NCKAP1L: variants seen among roughly 807,000 people sequenced by gnomAD.
The protein encoded by NCKAP1L is nck-associated protein 1-like.
NCKAP1L carries 53 observed loss-of-function variants against 139.2 expected under a neutral mutation model. That is an observed-to-expected ratio of 0.38 (90% CI 0.31 to 0.48). The LOEUF is 0.48. NCKAP1L is among the 20% of genes least tolerant of loss of function. The probability of loss-of-function intolerance (pLI) is 0.98; values close to 1 mark genes in which losing one functional copy is unlikely to be tolerated. For missense variants in NCKAP1L, 1,151 were observed against 1,381.9 expected, an observed-to-expected ratio of 0.83 and a Z score of 2.65; for synonymous variants, 468 against 499.7, an observed-to-expected ratio of 0.94 and a Z score of 0.85.
At chr12:54,529,266 T>C (rs1029403094) in intron 22 of NCKAP1L, among the ~76,000 whole-genome samples, 13 of 152,230 alleles carry the variant, frequency 8.5e-5, no homozygotes, top group African/African-American at 3.1e-4. Context: ...TGCCTTCCAG[T>C]GTCTAGAAGT....
chr12:54,511,307 C>T (rs947435745), intron 7 of NCKAP1L, among the ~76,000 whole-genome samples: 4 of 152,196 alleles, frequency 2.6e-5, no homozygotes, highest in Non-Finnish European at 5.9e-5. Flanking sequence ...TTGTTTTTCC[C>T]TTACTCCACT....
At chr12:54,521,317 C>T in intron 18 of NCKAP1L, 79 bp downstream of exon 18, 1 of 1,570,830 alleles carries the variant, frequency 6.4e-7, no homozygotes, top group Non-Finnish European at 8.7e-7. Context: ...TTGTTTCCCT[C>T]TCAGATGCCA....
Position 54,531,819 on chromosome 12 carries a change from T to C in NCKAP1L, c.2775T>C (p.Leu925=). ...TCAGGGCCATGGCCCAAGAGGGACT[T>C]CGGGAGGTGAGTTGGTGGGGAGGGG... ...LSFRAMAQEG[L]REVFSSHCPF... The change falls in exon 25 of 31, where the codon CTT becomes CTC. Residue 925 remains leucine (L), a synonymous_variant. Transcript: ENST00000293373. 1.9e-6 allele frequency: 3 copies of C among 1,610,504 alleles called. No individual in the cohort carries two copies. In the South Asian group the frequency reaches 3.3e-5, roughly 18 times the overall value.
chr12:54,518,372 T>C (rs1237785822), intron 13 of NCKAP1L, among the ~76,000 whole-genome samples: 1 of 151,918 alleles, frequency 6.6e-6, no homozygotes, highest in African/African-American at 2.4e-5. Flanking sequence ...TGCCCCTTCA[T>C]ATTTGTTAAA....
chr12:54,537,334 A>T (rs186032706), intron 29 of NCKAP1L, among the ~76,000 whole-genome samples: 5 of 152,280 alleles, frequency 3.3e-5, no homozygotes, highest in African/African-American at 1.2e-4. Flanking sequence ...TAGTTGTGTG[A>T]CCTCTGAAGT....
chr12:54,542,232 C>T (rs528402803), intron 30 of NCKAP1L, among the ~76,000 whole-genome samples: 171 of 152,258 alleles, frequency 1.1e-3, no homozygotes, highest in African/African-American at 3.8e-3. Flanking sequence ...TTTTATACAT[C>T]TTTACCTGCA....
intron 30 of NCKAP1L, among the ~76,000 whole-genome samples, chr12:54,539,525 T>C (rs150975565): frequency 0.012 from 1,797 of 152,310 alleles, 24 homozygotes; most frequent in Middle Eastern, 0.034. Context: ...TGGGCTTCTC[T>C]CTACTCTGGC....
At chr12:54,541,328 C>G (rs543722668) in intron 30 of NCKAP1L, among the ~76,000 whole-genome samples, 34 of 152,214 alleles carry the variant, frequency 2.2e-4, no homozygotes, top group Non-Finnish European at 3.8e-4. Flanking sequence ...TGTTTCCACT[C>G]CCGTAAACTT....
At chr12:54,528,617 T>G (rs1957044691) in intron 22 of NCKAP1L, among the ~76,000 whole-genome samples, 2 of 151,730 alleles carry the variant, frequency 1.3e-5, no homozygotes. Flanking sequence ...TGGCATCTTC[T>G]TCTTCTTCTT....
intron 9 of NCKAP1L, among the ~76,000 whole-genome samples, chr12:54,513,476 G>C (rs1229776294): frequency 2.0e-5 from 3 of 152,126 alleles, no homozygotes; most frequent in Admixed American, 1.3e-4. Flanking sequence ...TGTGGAGTGA[G>C]AACAGAATGG....
chr12:54,518,668 AGAG>A lies in NCKAP1L; in HGVS notation c.1363_1365del (p.Glu455del). On this transcript the variant is annotated inframe_deletion, in exon 14 of 31. Coordinates refer to ENST00000293373, the MANE Select transcript of NCKAP1L (RefSeq NM_005337.5). ...TTTTTTAGAACTTGTCTGTGTGTCC[AGAG>A]GAGGAGTCCATCATCATGTCCTCAT... The A allele has an allele frequency of 6.2e-7, 1 of 1,614,122 alleles. No homozygotes were observed. Among genetic ancestry groups the A allele is most frequent in the Admixed American group, 1.7e-5 (1 of 60,032 alleles).
At chr12:54,522,197 T>A (rs1327677189) in intron 18 of NCKAP1L, among the ~76,000 whole-genome samples, 1 of 152,172 alleles carries the variant, frequency 6.6e-6, no homozygotes, top group African/African-American at 2.4e-5. Flanking sequence ...TATAAATACA[T>A]GTTTGAAAGA....
intron 9 of NCKAP1L, among the ~76,000 whole-genome samples, chr12:54,513,530 A>G (rs1956905439): frequency 6.6e-6 from 1 of 152,214 alleles, no homozygotes; most frequent in Non-Finnish European, 1.5e-5. Flanking sequence ...CAGAGAAATC[A>G]GTGGGAGATA....
In NCKAP1L at chr12:54,518,941, C is replaced by T; in HGVS notation, c.1448C>T (p.Ser483Leu). The change falls in exon 15 of 31, where the codon TCA becomes TTA. Residue 483 changes from serine (S) to leucine (L), a missense_variant. Coordinates refer to ENST00000293373, the MANE Select transcript of NCKAP1L (RefSeq NM_005337.5). ...GATAATGGAGAAAAATTTGAATTCT[C>T]AGGATTGAGGCTGGACTGGTTCCGC... ...QVDNGEKFEF[S>L]GLRLDWFRLQ... The T allele has an allele frequency of 6.2e-7, 1 of 1,614,040 alleles. No individual in the cohort carries two copies. The highest frequency in any genetic ancestry group is 8.5e-7 in the Non-Finnish European group (1 of 1,179,938).
rs1450450143 is a variant in NCKAP1L at position 54,517,050 on chromosome 12, T to C, written c.1095+58T>C. 2.7e-6 allele frequency: 4 copies of C among 1,477,098 alleles called. No individual in the cohort carries two copies. In the African/African-American group the frequency reaches 5.5e-5, roughly 20 times the overall value. The allele number at this position is 1,477,098 out of a possible 1,614,324, so 91.5% of individuals were successfully genotyped here. On this transcript the variant is annotated intron_variant, in intron 11 of 30. Coordinates refer to ENST00000293373, the MANE Select transcript of NCKAP1L (RefSeq NM_005337.5). The stretch of plus-strand genomic sequence containing the variant: ...GGCCAGTGATAAGAGACTGTGTAGC[T>C]ACGTGGCACTCACGAGATTTTGCCT...
intron 3 of NCKAP1L, among the ~76,000 whole-genome samples, chr12:54,504,251 G>A (rs1382967492): frequency 6.6e-6 from 1 of 152,162 alleles, no homozygotes; most frequent in East Asian, 1.9e-4. Context: ...GCTTGTGGTG[G>A]TGTTATAGTA....
chr12:54,516,155 T>A lies in NCKAP1L; in HGVS notation c.942-84T>A. The A allele has an allele frequency of 8.4e-6, 12 of 1,425,640 alleles. 1 individual carries two copies. In the South Asian group the frequency reaches 1.4e-4, roughly 16 times the overall value. 88.3% of individuals were successfully genotyped at this position (1,425,640 alleles called of 1,614,324 possible). A position where few individuals can be genotyped will look rare whatever the true frequency, so the allele number is the denominator to read the frequency against. ...CCCATGCTCCCACCAGGGTATAGGC[T>A]GGACTCTCTGAGGACTGGGAAGGTG... On this transcript the variant is annotated intron_variant, in intron 9 of 30. Transcript: ENST00000293373.
At chr12:54,520,424 G>A (rs531023402) in intron 16 of NCKAP1L, among the ~76,000 whole-genome samples, 1 of 152,188 alleles carries the variant, frequency 6.6e-6, no homozygotes, top group Non-Finnish European at 1.5e-5. Context: ...TTTGTGCAAG[G>A]AAAGGGAAGA....
chr12:54,518,044 A>G (rs1956948218), intron 13 of NCKAP1L, 106 bp downstream of exon 13: 2 of 1,396,184 alleles, frequency 1.4e-6, no homozygotes, highest in South Asian at 1.3e-5. Flanking sequence ...GTTGGGTGTC[A>G]AAAGGTCCAA....
Sources: allele counts gnomAD v4.1 joint callset (sites outside exome capture counted in the v4.1 genomes callset), GRCh38; gene constraint gnomAD v4.1.1; transcripts MANE v1.5; gene names NCBI Gene and HGNC (gene_info 2026-07-23, HGNC 2026-07-21).